The following TBC1D30 variants were observed in gnomAD, a reference collection of about 807,000 sequenced individuals.
TBC1D30 encodes the protein TBC1 domain family, member 30.
Under a neutral mutation model 63.2 loss-of-function variants are expected in TBC1D30, and 31 were observed. That is an observed-to-expected ratio of 0.49 (90% CI 0.37 to 0.66). TBC1D30 has a LOEUF of 0.66. TBC1D30 is among the 30% of genes least tolerant of loss of function. The probability of loss-of-function intolerance (pLI) is 0.00; values close to 1 mark genes in which losing one functional copy is unlikely to be tolerated. For missense variants in TBC1D30, 810 were observed against 953.6 expected, an observed-to-expected ratio of 0.85 and a Z score of 1.98; for synonymous variants, 307 against 361.5, an observed-to-expected ratio of 0.85 and a Z score of 1.71.
intron 6 of TBC1D30, 28 bp from the exon 7 acceptor site, chr12:64,838,655 G>A: frequency 6.5e-7 from 1 of 1,534,668 alleles, no homozygotes; most frequent in Non-Finnish European, 8.7e-7. Context: ...CAGTTCTGAA[G>A]GAATTGAATG....
chr12:64,833,806 G>T (rs1259201537), intron 5 of TBC1D30, among the ~76,000 whole-genome samples: 2 of 151,296 alleles, frequency 1.3e-5, no homozygotes, highest in Non-Finnish European at 2.9e-5. Flanking sequence ...ACAAATACAT[G>T]ACTTTAAGAT....
intron 1 of TBC1D30, among the ~76,000 whole-genome samples, chr12:64,761,898 C>T (rs545784236): frequency 1.2e-4 from 18 of 152,288 alleles, no homozygotes; most frequent in African/African-American, 3.6e-4. Flanking sequence ...GACCCCTTTC[C>T]GGTAACACTG....
chr12:64,853,272 C>A (rs917226998), intron 8 of TBC1D30, among the ~76,000 whole-genome samples: 2 of 152,172 alleles, frequency 1.3e-5, no homozygotes, highest in Non-Finnish European at 2.9e-5. Context: ...AACTTCCTGG[C>A]AGCTTTCTTT....
chr12:64,770,003 G>C (rs998683014), intron 1 of TBC1D30, among the ~76,000 whole-genome samples: 65 of 152,118 alleles, frequency 4.3e-4, no homozygotes, highest in African/African-American at 1.5e-3. Flanking sequence ...AAACTCCATG[G>C]CTTCAAACTT....
chr12:64,802,124 A>G (rs1292109978), intron 2 of TBC1D30, among the ~76,000 whole-genome samples: 1 of 152,238 alleles, frequency 6.6e-6, no homozygotes, highest in Non-Finnish European at 1.5e-5. Context: ...TGCATGTCCT[A>G]TCCCACGCCT....
chr12:64,789,138 T>G (rs1412209138), intron 2 of TBC1D30, among the ~76,000 whole-genome samples: 1 of 152,092 alleles, frequency 6.6e-6, no homozygotes, highest in Admixed American at 6.6e-5. Flanking sequence ...ATGCTTATGA[T>G]TCTTTGCATA....
At chr12:64,866,679 G>A in intron 9 of TBC1D30, 85 bp from the exon 10 acceptor site, 2 of 1,232,686 alleles carry the variant, frequency 1.6e-6, no homozygotes, top group Non-Finnish European at 2.2e-6. Context: ...TATATATATG[G>A]CATTTAAACC....
exon 2 of TBC1D30, chr12:64,786,030 G>C: frequency 1.6e-6 from 2 of 1,287,750 alleles, no homozygotes; most frequent in Non-Finnish European, 2.0e-6. Context: ...CTTGCAGGCT[G>C]TGTCACAGAA....
rs146734241 is a variant in TBC1D30, at chr12:64,854,697, G to A, written c.1039-9971G>A. Among the ~76,000 whole-genome samples, 955 of 152,072 alleles carry A rather than the reference G, an allele frequency of 6.3e-3. 5 individuals carry two copies. Among genetic ancestry groups the A allele is most frequent in the African/African-American group, 0.022 (910 of 41,504 alleles). ...TTGTTAGTAGAGACAGGGTTTCACCGTGTTAGCCAGGATGGTCTCGCTCTC... is the reference window on the plus strand; with the variant it reads ...TTGTTAGTAGAGACAGGGTTTCACCATGTTAGCCAGGATGGTCTCGCTCTC... On this transcript the variant is annotated intron_variant, in intron 8 of 11. Coordinates refer to ENST00000539867, the MANE Select transcript of TBC1D30 (RefSeq NM_015279.2).
chr12:64,799,892 G>A (rs1303236931), intron 2 of TBC1D30, among the ~76,000 whole-genome samples: 2 of 152,200 alleles, frequency 1.3e-5, no homozygotes, highest in Non-Finnish European at 2.9e-5. Context: ...AAATGACGAG[G>A]TCAGGAGTTC....
chr12:64,868,385 G>T, intron 10 of TBC1D30: 1 of 179,800 alleles, frequency 5.6e-6, no homozygotes, highest in South Asian at 1.1e-4. Flanking sequence ...CCACCTTTCA[G>T]ACCTTTGGGC....
chr12:64,821,644 C>G (rs573141461), upstream of TBC1D30, among the ~76,000 whole-genome samples: 3 of 152,302 alleles, frequency 2.0e-5, no homozygotes, highest in South Asian at 6.2e-4. Context: ...ACTGTGCCCT[C>G]TAAAAAACTG....
chr12:64,794,379 TTTTCCTC>T (rs1307330473), intron 2 of TBC1D30, among the ~76,000 whole-genome samples: 2 of 152,166 alleles, frequency 1.3e-5, no homozygotes, highest in Admixed American at 6.5e-5. Flanking sequence ...TCTTTTTTCT[TTTTCCTC>T]TTTCTGGGGT....
At chr12:64,845,395 A>G (rs978601626) in intron 8 of TBC1D30, among the ~76,000 whole-genome samples, 1 of 152,154 alleles carries the variant, frequency 6.6e-6, no homozygotes, top group African/African-American at 2.4e-5. Flanking sequence ...GCTGGAGTGC[A>G]GTGGCACCAT....
intron 1 of TBC1D30, among the ~76,000 whole-genome samples, chr12:64,770,717 T>C (rs1426207154): frequency 6.6e-6 from 1 of 151,846 alleles, no homozygotes; most frequent in Non-Finnish European, 1.5e-5. Context: ...TCTTTTTTTT[T>C]TTTTTGAGAC....
chr12:64,783,001 T>C (rs968270736), intron 1 of TBC1D30, among the ~76,000 whole-genome samples: 1 of 152,202 alleles, frequency 6.6e-6, no homozygotes, highest in Non-Finnish European at 1.5e-5. Flanking sequence ...GCTGTCTGCG[T>C]AAAGAATGCT....
Position 64,876,054 on chromosome 12 carries a change from T to C in TBC1D30, c.*266T>C, listed in dbSNP as rs1029562980. ...AGTGTGAAGTTTTCCCAATTTTTCA[T>C]TGTGAGCTGTTTAAAAAAGACTATA... On this transcript the variant is annotated 3_prime_UTR_variant, in exon 12 of 12. Transcript: ENST00000539867. The C allele has an allele frequency of 1.5e-5, 6 of 400,570 alleles. No individual in the cohort carries two copies. The highest frequency in any genetic ancestry group is 2.1e-5 in the African/African-American group (1 of 48,628). The allele number at this position is 400,570 out of a possible 1,614,324, so 24.8% of individuals were successfully genotyped here.
intron 3 of TBC1D30, among the ~76,000 whole-genome samples, chr12:64,830,036 C>A (rs1874702823): frequency 6.6e-6 from 1 of 152,198 alleles, no homozygotes; most frequent in Non-Finnish European, 1.5e-5. Context: ...CCAAGTAAAA[C>A]AAGCTTATGA....
At chr12:64,817,447 C>T (rs569299474) in intron 2 of TBC1D30, among the ~76,000 whole-genome samples, 6 of 152,308 alleles carry the variant, frequency 3.9e-5, no homozygotes, top group Non-Finnish European at 5.9e-5. Flanking sequence ...TTGTCTGCTG[C>T]GTTGCCTCCT....
Sources: gnomAD v4.1 joint callset for allele counts (sites outside exome capture counted in the v4.1 genomes callset) on GRCh38, gnomAD v4.1.1 for gene constraint, MANE v1.5 for transcripts, NCBI Gene and HGNC (gene_info 2026-07-23, HGNC 2026-07-21) for gene names.